AK3: variants seen among roughly 807,000 people sequenced by gnomAD.
AK3 encodes GTP:AMP phosphotransferase AK3, mitochondrial.
AK3 carries 27 observed loss-of-function variants against 23.7 expected under a neutral mutation model. The ratio of observed to expected loss-of-function variants is 1.14; its 90% CI spans 0.84 to 1.57. AK3 has a LOEUF of 1.57. AK3 is among the 40% of genes most tolerant of loss of function. AK3 has a pLI of 0.00. For synonymous variants in AK3, 159 were observed against 116.0 expected (o/e 1.37, Z -2.38); for missense variants, 406 against 285.6 (o/e 1.42, Z -3.04).
chr9:4,739,337 C>T (rs527663481), intron 1 of AK3, among the ~76,000 whole-genome samples: 1 of 151,498 alleles, frequency 6.6e-6, no homozygotes, highest in East Asian at 1.9e-4. Context: ...ATCACAGGTG[C>T]CTGCCACTGC....
At chr9:4,715,621 A>G (rs1364057913) in intron 4 of AK3, among the ~76,000 whole-genome samples, 1 of 151,986 alleles carries the variant, frequency 6.6e-6, no homozygotes, top group Admixed American at 6.6e-5. Flanking sequence ...CTGATCTTGA[A>G]TTCCTGCCTT....
At chr9:4,726,009 A>G (rs1171951592) in intron 1 of AK3, among the ~76,000 whole-genome samples, 1 of 152,182 alleles carries the variant, frequency 6.6e-6, no homozygotes, top group East Asian at 1.9e-4. Context: ...GGTGCATATA[A>G]AAGTTATATA....
intron 3 of AK3, 43 bp downstream of exon 3, chr9:4,719,092 C>G: frequency 6.2e-7 from 1 of 1,607,056 alleles, no homozygotes; most frequent in Non-Finnish European, 8.5e-7. Flanking sequence ...CAAGAGGACT[C>G]AGGGACAGTC....
At chr9:4,729,240 C>T (rs1023125516) in intron 1 of AK3, among the ~76,000 whole-genome samples, 1 of 151,988 alleles carries the variant, frequency 6.6e-6, no homozygotes. Context: ...GAACTCCTGA[C>T]TTTGGGTGAT....
At chr9:4,741,834 C>G (rs2130924898), upstream of AK3, 1 of 146,572 alleles carries the variant, frequency 6.8e-6, no homozygotes, top group Admixed American at 6.7e-5. Context: ...CCTGGACCGC[C>G]AGACCCCCCG....
Position 4,717,110 on chromosome 9 carries a change from C to G in AK3, c.563+1309G>C, listed in dbSNP as rs548842852. Reference sequence around the variant, plus strand: ...AACCTTTATTCTCTTCCCCAATTTACAGAGGAAAAAACAGGCAGAGGTTAA... The same window carrying G: ...AACCTTTATTCTCTTCCCCAATTTAGAGAGGAAAAAACAGGCAGAGGTTAA... On this transcript the variant is annotated intron_variant, in intron 4 of 4. Transcript: ENST00000381809. 2.6e-5 allele frequency among the ~76,000 whole-genome samples: 4 copies of G among 152,138 alleles called. No individual in the cohort carries two copies. The South Asian group carries it at 6.2e-4, about 24-fold the overall frequency.
At chr9:4,714,977 G>A (rs984223169) in intron 4 of AK3, among the ~76,000 whole-genome samples, 5 of 152,084 alleles carry the variant, frequency 3.3e-5, no homozygotes, top group Non-Finnish European at 7.4e-5. Context: ...CCAGCACTTT[G>A]GGAGGCCAAG....
At chr9:4,714,218 ATT>A (rs1194053645) in intron 4 of AK3, among the ~76,000 whole-genome samples, 1 of 151,870 alleles carries the variant, frequency 6.6e-6, no homozygotes, top group Non-Finnish European at 1.5e-5. Context: ...ACCTCCACAC[ATT>A]CGCCTCCACA....
intron 1 of AK3, among the ~76,000 whole-genome samples, chr9:4,734,095 G>A (rs549671662): frequency 6.6e-6 from 1 of 152,182 alleles, no homozygotes; most frequent in Non-Finnish European, 1.5e-5. Flanking sequence ...TTTAAAGGAG[G>A]TAACTAAGAT....
In AK3 at chr9:4,730,384, A is replaced by C. The variant is rs1842125419; in HGVS notation, c.152-7759T>G. ...TTTTAAAAAATAGAACAGATGAAAA[A>C]TTCCCAGTAAGAAAAAAAATAAAAA... is the stretch of plus-strand genomic sequence containing the variant. On this transcript the variant is annotated intron_variant, in intron 1 of 4. Transcript: ENST00000381809. Among the ~76,000 whole-genome samples the C allele has an allele frequency of 2.0e-5, 3 of 151,150 alleles. No individual in the cohort carries two copies. The South Asian group carries it at 6.2e-4, about 31-fold the overall frequency.
chr9:4,730,613 A>G (rs1047160310), intron 1 of AK3, among the ~76,000 whole-genome samples: 2 of 152,164 alleles, frequency 1.3e-5, no homozygotes, highest in Non-Finnish European at 2.9e-5. Context: ...AGGAAAAACA[A>G]AAACAAAACG....
intron 4 of AK3, among the ~76,000 whole-genome samples, chr9:4,717,029 A>G (rs1282775557): frequency 6.6e-6 from 1 of 152,222 alleles, no homozygotes; most frequent in East Asian, 1.9e-4. Flanking sequence ...TAACATTTCT[A>G]TAGTGCTTTC....
At chr9:4,722,908 T>C (rs1841937653) in intron 1 of AK3, among the ~76,000 whole-genome samples, 1 of 152,012 alleles carries the variant, frequency 6.6e-6, no homozygotes, top group Non-Finnish European at 1.5e-5. Flanking sequence ...ATAAAAAAAT[T>C]AGCCGGACAT....
At chr9:4,722,061 G>A (rs1841912043) in intron 2 of AK3, among the ~76,000 whole-genome samples, 1 of 152,176 alleles carries the variant, frequency 6.6e-6, no homozygotes, top group Admixed American at 6.5e-5. Flanking sequence ...CTTATCCCAA[G>A]TTTATCCCAG....
intron 1 of AK3, among the ~76,000 whole-genome samples, chr9:4,738,761 C>CT (rs35812152): frequency 0.017 from 1,284 of 75,036 alleles, 26 homozygotes; most frequent in Non-Finnish European, 0.021. Flanking sequence ...ATATGCTTTA[C>CT]TTTTTTTTTT....
In AK3 at chr9:4,712,950, C is replaced by T. The variant is rs374392990; in HGVS notation, c.*26G>A. 2.5e-5 allele frequency: 40 copies of T among 1,608,704 alleles called. No homozygotes were observed. In the African/African-American group the frequency reaches 4.8e-4, roughly 19 times the overall value. On this transcript the variant is annotated 3_prime_UTR_variant, in exon 5 of 5. Coordinates refer to ENST00000381809, the MANE Select transcript of AK3 (RefSeq NM_016282.4). The stretch of plus-strand genomic sequence containing the variant: ...AGGACTAGGAGGTTTGCCCATCTTA[C>T]TATTAATAGTTACACACATTTCTCC...
Position 4,722,950 on chromosome 9 carries a change from G to T in AK3, c.152-325C>A, listed in dbSNP as rs573381012. ...GGGTGCCTGTAATCCCAGCTACTTG[G>T]GGGTAGCTTGAACCCAGGTGGGAGA... On this transcript the variant is annotated intron_variant, in intron 1 of 4. Transcript: ENST00000381809. Among the ~76,000 whole-genome samples, 4 of 152,254 alleles carry T rather than the reference G, an allele frequency of 2.6e-5. No homozygotes were observed. The East Asian group carries it at 5.8e-4, about 22-fold the overall frequency.
intron 1 of AK3, among the ~76,000 whole-genome samples, chr9:4,739,253 C>A (rs1465359768): frequency 1.3e-5 from 2 of 151,674 alleles, no homozygotes; most frequent in Admixed American, 1.3e-4. Flanking sequence ...TGCAGCGTTG[C>A]AATCTCGACT....
chr9:4,740,462 G>A (rs1842401770), intron 1 of AK3, among the ~76,000 whole-genome samples: 1 of 152,108 alleles, frequency 6.6e-6, no homozygotes. Context: ...GGAAAGGTCA[G>A]AACTACAAGA....
Sources: allele counts gnomAD v4.1 joint callset (sites outside exome capture counted in the v4.1 genomes callset), GRCh38; gene constraint gnomAD v4.1.1; transcripts MANE v1.5; gene names NCBI Gene and HGNC (gene_info 2026-07-23, HGNC 2026-07-21).